Variants in VPS37A observed in about 807,000 individuals in gnomAD.
VPS37A encodes the protein vacuolar protein sorting-associated protein 37A.
A neutral mutation model predicts 49.8 loss-of-function variants in VPS37A; 30 were observed. That is an observed-to-expected ratio of 0.60 (90% CI 0.45 to 0.82). The LOEUF (loss-of-function observed/expected upper bound fraction) is 0.82, where lower values mean the gene tolerates loss of function less well. VPS37A is among the 40% of genes least tolerant of loss of function. The pLI is 0.00. For missense variants in VPS37A, 593 were observed against 464.4 expected (o/e 1.28, Z -2.55); for synonymous variants, 195 against 160.6 (o/e 1.21, Z -1.62).
downstream of VPS37A, chr8:17,299,873 G>A: frequency 1.9e-6 from 3 of 1,614,026 alleles, no homozygotes; most frequent in Non-Finnish European, 2.5e-6. Context: ...CAGGCAGTGA[G>A]AAACACGGCT....
intron 1 of VPS37A, among the ~76,000 whole-genome samples, chr8:17,263,385 G>T (rs773303310): frequency 3.3e-5 from 5 of 152,066 alleles, no homozygotes; most frequent in African/African-American, 1.2e-4. Flanking sequence ...GTACTTATCT[G>T]TTGTTTAATG....
chr8:17,280,147 A>G lies in VPS37A; in HGVS notation c.833A>G (p.Glu278Gly). Residue 278 changes from glutamate (E) to glycine (G), a missense_variant, in exon 7 of 12, where the codon GAA becomes GGA. By Grantham distance (98) the Glu-to-Gly change is moderately conservative. Transcript: ENST00000324849. ...DKDDLVKSIEELARKNLLLEP... is the reference protein window; with the variant it reads ...DKDDLVKSIEGLARKNLLLEP... The stretch of plus-strand genomic sequence containing the variant: ...GATGACTTAGTAAAAAGTATTGAGG[A>G]ACTAGCAAGTATGTTTTCCCTCTCC... 2 of 1,612,322 alleles carry G rather than the reference A, an allele frequency of 1.2e-6. No homozygotes were observed. The highest frequency in any genetic ancestry group is 1.7e-6 in the Non-Finnish European group (2 of 1,179,160).
Position 17,265,786 on chromosome 8 carries a change from G to T in VPS37A, c.126-121G>T. On this transcript the variant is annotated intron_variant, in intron 1 of 11. Transcript: ENST00000324849. The stretch of plus-strand genomic sequence containing the variant: ...TCCCCTCAAGATACAAGTTATGCTG[G>T]CTATCCAGATTCTGTGATTAAAAAT... The T allele has an allele frequency of 1.9e-6, 3 of 1,554,118 alleles. No individual in the cohort carries two copies. The South Asian group carries it at 3.5e-5, about 18-fold the overall frequency.
chr8:17,294,697 C>T (rs1049599943), intron 11 of VPS37A, among the ~76,000 whole-genome samples: 4 of 152,194 alleles, frequency 2.6e-5, no homozygotes, highest in African/African-American at 9.6e-5. Flanking sequence ...TTCCCTAACC[C>T]CTTGCACTTA....
Position 17,247,308 on chromosome 8 carries a change from C to T in VPS37A, c.64C>T (p.Leu22Phe). Residue 22 changes from leucine to phenylalanine, a missense_variant, in exon 1 of 12, where the codon CTC (leucine) becomes TTC (phenylalanine). Transcript: ENST00000324849. ...SSSAAGSPGG[L>F]TSLQQQKQRL... is the part of the protein sequence containing the mutation. ...CTCCGCGGCTGGGTCCCCCGGTGGC[C>T]TCACCAGCCTCCAGCAGCAGAAGCA... The T allele has an allele frequency of 6.4e-7, 1 of 1,563,912 alleles. No homozygotes were observed.
downstream of VPS37A, among the ~76,000 whole-genome samples, chr8:17,303,150 T>C (rs902690711): frequency 6.6e-6 from 1 of 152,208 alleles, no homozygotes; most frequent in Non-Finnish European, 1.5e-5. Context: ...CTTGGTGTCA[T>C]TGTTTTATCT....
At chr8:17,330,547 A>G in the VPS37A span, among the ~76,000 whole-genome samples, 1 of 152,248 alleles carries the variant, frequency 6.6e-6, no homozygotes, top group African/African-American at 2.4e-5. Flanking sequence ...CTGGTTGGCC[A>G]CATGAATAAC....
At chr8:17,316,958 C>T in the VPS37A span, among the ~76,000 whole-genome samples, 4 of 152,168 alleles carry the variant, frequency 2.6e-5, no homozygotes, top group Non-Finnish European at 4.4e-5. Context: ...GGTTTATGCT[C>T]TCACCAGTAG....
chr8:17,263,529 A>G (rs1391119745), intron 1 of VPS37A, among the ~76,000 whole-genome samples: 1 of 44,446 alleles, frequency 2.2e-5, no homozygotes, highest in Admixed American at 2.7e-4. Flanking sequence ...AAAACTCATA[A>G]AAAAAATTTT....
At chr8:17,328,575 G>T in the VPS37A span, among the ~76,000 whole-genome samples, 31 of 152,124 alleles carry the variant, frequency 2.0e-4, no homozygotes, top group African/African-American at 6.5e-4. Context: ...GGCGGGGGTG[G>T]GGGAGTGGAG....
downstream of VPS37A, chr8:17,305,610 C>G: frequency 1.6e-6 from 1 of 639,834 alleles, no homozygotes; most frequent in Non-Finnish European, 2.6e-6. Context: ...TGAAATGACA[C>G]CAGGAAAAAG....
chr8:17,302,410 A>C (rs1033871295), downstream of VPS37A: 9 of 991,864 alleles, frequency 9.1e-6, no homozygotes, highest in South Asian at 2.0e-5. Flanking sequence ...GCCTCAAAAA[A>C]GCCACTACTT....
intron 11 of VPS37A, among the ~76,000 whole-genome samples, chr8:17,287,715 C>T (rs1243227754): frequency 6.6e-6 from 1 of 152,042 alleles, no homozygotes; most frequent in Non-Finnish European, 1.5e-5. Flanking sequence ...TAGCCCTTCA[C>T]GTATTCCTGA....
In VPS37A at chr8:17,282,230, T is replaced by C. The variant is rs181972837; in HGVS notation, c.969+1787T>C. 1.3e-5 allele frequency among the ~76,000 whole-genome samples: 2 copies of C among 152,198 alleles called. 1 individual carries two copies. The highest frequency in any genetic ancestry group is 3.9e-4 in the East Asian group (2 of 5,184). On this transcript the variant is annotated intron_variant, in intron 9 of 11. Transcript: ENST00000324849. ...TGGAACAGACTATGTAGTTCAAAAA[T>C]AGACTTGTGTATGTGAATAATCAGT...
At chr8:17,300,314 C>A, downstream of VPS37A, 1 of 1,335,860 alleles carries the variant, frequency 7.5e-7, no homozygotes. Context: ...TTACCTCCCA[C>A]GTGGGTATAA....
At chr8:17,265,516 T>TC (rs1194398529) in intron 1 of VPS37A, among the ~76,000 whole-genome samples, 1 of 152,172 alleles carries the variant, frequency 6.6e-6, no homozygotes, top group Non-Finnish European at 1.5e-5. Flanking sequence ...GACCCAGACT[T>TC]CCCCAGCTGC....
chr8:17,305,891 A>T, downstream of VPS37A: 1 of 1,613,796 alleles, frequency 6.2e-7, no homozygotes, highest in Non-Finnish European at 8.5e-7. Context: ...TTAACTGCCA[A>T]ACACACTCAA....
intron 9 of VPS37A, 136 bp downstream of exon 9, chr8:17,280,579 C>T (rs774705223): frequency 5.5e-6 from 4 of 721,480 alleles, no homozygotes; most frequent in African/African-American, 5.5e-5. Flanking sequence ...TACCTTTAAA[C>T]GTGGATGAAC....
chr8:17,264,170 A>T (rs1295524908), intron 1 of VPS37A, among the ~76,000 whole-genome samples: 1 of 152,130 alleles, frequency 6.6e-6, no homozygotes, highest in African/African-American at 2.4e-5. Context: ...CTTACCCATG[A>T]CAGTAAATAA....
Sources: allele counts gnomAD v4.1 joint callset (sites outside exome capture counted in the v4.1 genomes callset), GRCh38; gene constraint gnomAD v4.1.1; transcripts MANE v1.5; gene names NCBI Gene and HGNC (gene_info 2026-07-23, HGNC 2026-07-21).